GALNT18: variants seen among roughly 807,000 people sequenced by gnomAD.
The protein encoded by GALNT18 is polypeptide N-acetylgalactosaminyltransferase 18, also known as GalNAc-transferase 18.
Under a neutral mutation model 69.5 loss-of-function variants are expected in GALNT18, and 44 were observed. The observed-to-expected ratio is 0.63, with a 90% CI of 0.50 to 0.81. The LOEUF is 0.81. Among genes scored for constraint, GALNT18 ranks in the 40% least tolerant of loss-of-function variants. The pLI is 0.00. For synonymous variants in GALNT18, 364 were observed against 318.2 expected, an observed-to-expected ratio of 1.14 and a Z score of -1.53; for missense variants, 715 against 810.0, an observed-to-expected ratio of 0.88 and a Z score of 1.42.
chr11:11,336,700 C>A (rs558434526), intron 7 of GALNT18, among the ~76,000 whole-genome samples: 1 of 152,296 alleles, frequency 6.6e-6, no homozygotes, highest in Admixed American at 6.5e-5. Context: ...CTGTGTGAAG[C>A]ATATAGCATC....
chr11:11,272,404 C>T (rs1848846754), intron 10 of GALNT18, among the ~76,000 whole-genome samples: 1 of 152,170 alleles, frequency 6.6e-6, no homozygotes, highest in African/African-American at 2.4e-5. Flanking sequence ...TTCCAACCTC[C>T]AGAGGCAGGA....
In GALNT18 at chr11:11,415,253, C is replaced by A. The variant is rs1854829405; in HGVS notation, c.595+17368G>T. Among the ~76,000 whole-genome samples the A allele has an allele frequency of 6.6e-6, 1 of 152,140 alleles. No individual in the cohort carries two copies. The highest frequency in any genetic ancestry group is 1.5e-5 in the Non-Finnish European group (1 of 68,028). On this transcript the variant is annotated intron_variant, in intron 3 of 10. Transcript: ENST00000227756. This position sits in a 1 kb window ranked among gnomAD's most constrained non-coding sequence, Gnocchi z 4.1. Reference sequence around the variant, plus strand: ...GGGACCTTAATTACGTCAGCCAATTCCCCTCACAGCAGGACTCAGATTAGT... The same window carrying A: ...GGGACCTTAATTACGTCAGCCAATTACCCTCACAGCAGGACTCAGATTAGT...
At position 11,480,754 on chromosome 11, in the gene GALNT18, G is replaced by T. The variant is rs747678194; in HGVS notation, c.236-31818C>A. Among the ~76,000 whole-genome samples, 1 of 152,190 alleles carries T rather than the reference G, an allele frequency of 6.6e-6. No homozygotes were observed. The highest frequency in any genetic ancestry group is 2.4e-5 in the African/African-American group (1 of 41,446). On this transcript the variant is annotated intron_variant, in intron 1 of 10. Coordinates refer to ENST00000227756, the MANE Select transcript of GALNT18 (RefSeq NM_198516.3). This position sits in a 1 kb window ranked among gnomAD's most constrained non-coding sequence, Gnocchi z 4.6. ...TCCCTGTATCAGCACTTCTCACAGC[G>T]TGCTCTACAGAACCCTAGTTCCGTG...
intron 3 of GALNT18, among the ~76,000 whole-genome samples, chr11:11,395,081 T>C (rs903033905): frequency 6.6e-6 from 1 of 152,226 alleles, no homozygotes; most frequent in Non-Finnish European, 1.5e-5. Context: ...GAATATTCAT[T>C]CACTCATTCA....
Position 11,616,023 on chromosome 11 carries a change from T to TGG in GALNT18, c.235+5334_235+5335dup, listed in dbSNP as rs570469286. ...CTTCTTCTTTTTTTCTTTGTAGAGA[T>TGG]GGGGGTCTCACCATGTTGTCCAGGT... On this transcript the variant is annotated intron_variant, in intron 1 of 10. Transcript: ENST00000227756. The surrounding 1 kb of genome is among the most constrained non-coding windows in gnomAD (Gnocchi z 4.4). Among the ~76,000 whole-genome samples the TGG allele has an allele frequency of 6.6e-6, 1 of 152,116 alleles. No homozygotes were observed. Among genetic ancestry groups the TGG allele is most frequent in the African/African-American group, 2.4e-5 (1 of 41,416 alleles).
intron 1 of GALNT18, among the ~76,000 whole-genome samples, chr11:11,551,937 G>A (rs1278775168): frequency 2.6e-5 from 4 of 152,116 alleles, no homozygotes; most frequent in African/African-American, 9.7e-5. Context: ...TAAGGGTGGG[G>A]GAGATTACAA....
chr11:11,502,479 A>C (rs775518546), intron 1 of GALNT18, among the ~76,000 whole-genome samples: 40 of 152,242 alleles, frequency 2.6e-4, no homozygotes, highest in Admixed American at 2.6e-4. Flanking sequence ...AAACAGGTAG[A>C]GAGAGCCAGG....
At chr11:11,323,436 AG>A (rs1328087420) in intron 9 of GALNT18, among the ~76,000 whole-genome samples, 2 of 152,260 alleles carry the variant, frequency 1.3e-5, no homozygotes, top group Non-Finnish European at 2.9e-5. Context: ...AATCTCAGCA[AG>A]TCAAATTCCA....
chr11:11,414,418 GA>G (rs1199973917), intron 3 of GALNT18, among the ~76,000 whole-genome samples: 1 of 152,142 alleles, frequency 6.6e-6, no homozygotes. Context: ...AGCCACACTG[GA>G]CTTCTTGTGG....
At chr11:11,455,165 A>G (rs1318342814) in intron 1 of GALNT18, among the ~76,000 whole-genome samples, 1 of 152,218 alleles carries the variant, frequency 6.6e-6, no homozygotes, top group Non-Finnish European at 1.5e-5. Context: ...AATCCCTTTT[A>G]TCATCTAAGC....
In GALNT18 at chr11:11,382,230, CAAAAA is replaced by C. The variant is rs1414704527; in HGVS notation, c.596-2971_596-2967del. 6.6e-6 allele frequency among the ~76,000 whole-genome samples: 1 copy of C among 152,042 alleles called. No homozygotes were observed. Among genetic ancestry groups the C allele is most frequent in the East Asian group, 1.9e-4 (1 of 5,198 alleles). The stretch of plus-strand genomic sequence containing the variant: ...TAGCCCCAACCAAACAACTGCTATC[CAAAAA>C]AGAAAATAAAGAAGAAACAAAATGC... On this transcript the variant is annotated intron_variant, in intron 3 of 10. Transcript: ENST00000227756. The surrounding 1 kb of genome is among the most constrained non-coding windows in gnomAD (Gnocchi z 4.3).
chr11:11,572,449 A>T (rs1858814239), intron 1 of GALNT18, among the ~76,000 whole-genome samples: 1 of 152,192 alleles, frequency 6.6e-6, no homozygotes, highest in South Asian at 2.1e-4. Flanking sequence ...TTCTGTTTTA[A>T]AGGTAAATAA....
At chr11:11,455,243 T>G (rs1185320678) in intron 1 of GALNT18, among the ~76,000 whole-genome samples, 1 of 152,206 alleles carries the variant, frequency 6.6e-6, no homozygotes, top group Non-Finnish European at 1.5e-5. Flanking sequence ...TTAAGATTAC[T>G]CAGATGTGTT....
At chr11:11,569,488 A>G (rs1858732910) in intron 1 of GALNT18, among the ~76,000 whole-genome samples, 1 of 137,080 alleles carries the variant, frequency 7.3e-6, no homozygotes, top group Admixed American at 7.4e-5. Flanking sequence ...GGGAATTCTA[A>G]GAAATTCTGA....
chr11:11,447,791 T>C (rs1206466352), intron 2 of GALNT18, among the ~76,000 whole-genome samples: 1 of 152,218 alleles, frequency 6.6e-6, no homozygotes, highest in East Asian at 1.9e-4. Context: ...ACCTCCTACC[T>C]GGTCCCTCCC....
chr11:11,437,869 G>A (rs1855443230), intron 2 of GALNT18, among the ~76,000 whole-genome samples: 1 of 152,180 alleles, frequency 6.6e-6, no homozygotes, highest in African/African-American at 2.4e-5. Flanking sequence ...AGCTATGCCA[G>A]GGTTCTGGGA....
In GALNT18 at chr11:11,314,147, G is replaced by T. The variant is rs991230204; in HGVS notation, c.1512+12939C>A. ...GTGACCTGTCCCCAAGGCCAGAGAG[G>T]CCTGGGAAGCAAGACTGTCCAAAGA... On this transcript the variant is annotated intron_variant, in intron 9 of 10. Transcript: ENST00000227756. The surrounding 1 kb of genome is among the most constrained non-coding windows in gnomAD (Gnocchi z 5.2). 6.6e-6 allele frequency among the ~76,000 whole-genome samples: 1 copy of T among 152,130 alleles called. No homozygotes were observed. The highest frequency in any genetic ancestry group is 2.4e-5 in the African/African-American group (1 of 41,426).
chr11:11,317,509 A>T (rs922364963), intron 9 of GALNT18, among the ~76,000 whole-genome samples: 8 of 152,004 alleles, frequency 5.3e-5, no homozygotes, highest in African/African-American at 1.9e-4. Context: ...GCATTTTTTC[A>T]TTGTTTGTTG....
rs1020072152 is a variant in GALNT18 at position 11,439,788 on chromosome 11, C to G, written c.429-7001G>C. Among the ~76,000 whole-genome samples, 1 of 152,100 alleles carries G rather than the reference C, an allele frequency of 6.6e-6. No homozygotes were observed. The highest frequency in any genetic ancestry group is 6.5e-5 in the Admixed American group (1 of 15,282). ...CTGTGGATGGGAATTCTACCATGAC[C>G]TGATGGGAATGGAATCACTGAGTTG... On this transcript the variant is annotated intron_variant, in intron 2 of 10. Transcript: ENST00000227756. This position sits in a 1 kb window ranked among gnomAD's most constrained non-coding sequence, Gnocchi z 4.4.
Sources: gnomAD v4.1 joint callset for allele counts (sites outside exome capture counted in the v4.1 genomes callset) on GRCh38, gnomAD v4.1.1 for gene constraint, Gnocchi (gnomAD v3.1) non-coding constraint, MANE v1.5 for transcripts, NCBI Gene and HGNC (gene_info 2026-07-23, HGNC 2026-07-21) for gene names.